Variants in AKR1B15 observed in about 807,000 individuals in gnomAD.
AKR1B15 encodes estradiol 17-beta-dehydrogenase AKR1B15.
A neutral mutation model predicts 38.5 loss-of-function variants in AKR1B15; 49 were observed. The observed-to-expected ratio is 1.27, with a 90% confidence interval of 1.01 to 1.62. AKR1B15 has a LOEUF of 1.62. Among genes scored for constraint, AKR1B15 ranks in the 40% most tolerant of loss-of-function variants. The probability of loss-of-function intolerance (pLI) is 0.00; values close to 1 mark genes in which losing one functional copy is unlikely to be tolerated. For synonymous variants in AKR1B15, 137 were observed against 135.5 expected (o/e 1.01, Z -0.08); for missense variants, 411 against 381.6 (o/e 1.08, Z -0.64).
chr7:134,553,081 T>A (rs890777755), intron 1 of AKR1B15, among the ~76,000 whole-genome samples: 1 of 152,054 alleles, frequency 6.6e-6, no homozygotes, highest in African/African-American at 2.4e-5. Flanking sequence ...ATTTCCTACC[T>A]AGGGTATGAG....
intron 2 of AKR1B15, among the ~76,000 whole-genome samples, chr7:134,561,534 G>A (rs1231116878): frequency 6.6e-6 from 1 of 152,208 alleles, no homozygotes; most frequent in Admixed American, 6.5e-5. Flanking sequence ...TGTTGAAGTA[G>A]ATAATTTAAC....
chr7:134,559,467 C>A (rs1468915218), intron 2 of AKR1B15, among the ~76,000 whole-genome samples: 1 of 152,144 alleles, frequency 6.6e-6, no homozygotes, highest in African/African-American at 2.4e-5. Context: ...CACTGTAACC[C>A]CTTGTTGCTG....
chr7:134,550,615 T>C (rs960744466), intron 1 of AKR1B15, among the ~76,000 whole-genome samples: 1 of 152,342 alleles, frequency 6.6e-6, no homozygotes, highest in Middle Eastern at 3.4e-3. Context: ...ATAATACTTC[T>C]GTTCTTCTGA....
intron 1 of AKR1B15, among the ~76,000 whole-genome samples, chr7:134,555,108 T>A (rs1463698450): frequency 1.3e-5 from 2 of 152,190 alleles, no homozygotes; most frequent in African/African-American, 4.8e-5. Flanking sequence ...GCTCCGCCTA[T>A]CTTGCCTAAG....
chr7:134,550,181 G>C (rs900722202), intron 1 of AKR1B15, among the ~76,000 whole-genome samples: 1 of 151,988 alleles, frequency 6.6e-6, no homozygotes, highest in African/African-American at 2.4e-5. Context: ...CTTAAATAAG[G>C]CACTGTGCAG....
chr7:134,567,514 A>G (rs1388770063), intron 3 of AKR1B15, among the ~76,000 whole-genome samples: 2 of 151,948 alleles, frequency 1.3e-5, no homozygotes, highest in Non-Finnish European at 2.9e-5. Context: ...TCATTACAGC[A>G]TGTCATCACC....
At chr7:134,557,467 TC>T (rs1357721003) in intron 2 of AKR1B15, among the ~76,000 whole-genome samples, 1 of 151,880 alleles carries the variant, frequency 6.6e-6, no homozygotes, top group Non-Finnish European at 1.5e-5. Context: ...CAGCCCCTTG[TC>T]CCCCTCCCTT....
chr7:134,565,758 T>C (rs944135845), intron 3 of AKR1B15, among the ~76,000 whole-genome samples: 1 of 152,136 alleles, frequency 6.6e-6, no homozygotes, highest in Admixed American at 6.5e-5. Context: ...TGATGAGAAC[T>C]CCTCTAGCAA....
At chr7:134,570,124 G>T (rs980709065) in intron 5 of AKR1B15, 1 of 152,464 alleles carries the variant, frequency 6.6e-6, no homozygotes, top group South Asian at 2.1e-4. Flanking sequence ...TAAAATGGCT[G>T]CTCTGGGGAC....
At chr7:134,561,246 A>G (rs925047468) in intron 2 of AKR1B15, among the ~76,000 whole-genome samples, 3 of 152,142 alleles carry the variant, frequency 2.0e-5, no homozygotes, top group Admixed American at 6.6e-5. Context: ...TGGAGTCTCT[A>G]TCTGTCACCC....
At chr7:134,550,139 C>A (rs1261939605) in intron 1 of AKR1B15, among the ~76,000 whole-genome samples, 1 of 152,166 alleles carries the variant, frequency 6.6e-6, no homozygotes, top group East Asian at 1.9e-4. Flanking sequence ...CCTTACTCAC[C>A]TTTTCTGTCA....
At chr7:134,556,348 G>T (rs1032355729) in intron 1 of AKR1B15, among the ~76,000 whole-genome samples, 1 of 152,128 alleles carries the variant, frequency 6.6e-6, no homozygotes. Context: ...TGGTTGTGCC[G>T]AAAGGCCAAA....
intron 3 of AKR1B15, among the ~76,000 whole-genome samples, chr7:134,565,700 T>G (rs925173722): frequency 6.6e-6 from 1 of 152,188 alleles, no homozygotes; most frequent in African/African-American, 2.4e-5. Flanking sequence ...CTTTCTTTTC[T>G]CAAAGCTGAT....
chr7:134,565,641 T>C lies in AKR1B15; in HGVS notation c.150+872T>C, dbSNP rs913580562. On this transcript the variant is annotated intron_variant, in intron 3 of 11. Transcript: ENST00000457545. The stretch of plus-strand genomic sequence containing the variant: ...CAGCCAGAAAAGCCTGGAGGTCGGG[T>C]AGGGGTTTGGAGAGGTGAATTTCAG... 15 of 1,554,650 alleles carry C rather than the reference T, an allele frequency of 9.6e-6. No individual in the cohort carries two copies. The Admixed American group carries it at 1.9e-4, about 20-fold the overall frequency.
intron 1 of AKR1B15, among the ~76,000 whole-genome samples, chr7:134,552,321 C>T (rs1794013586): frequency 6.6e-6 from 1 of 152,122 alleles, no homozygotes; most frequent in African/African-American, 2.4e-5. Context: ...TAGTTTCACC[C>T]TCACAACTGC....
chr7:134,576,423 C>G lies in AKR1B15; in HGVS notation c.818C>G (p.Thr273Arg). 6.2e-7 allele frequency: 1 copy of G among 1,614,134 alleles called. No individual in the cohort carries two copies. Among genetic ancestry groups the G allele is most frequent in the Non-Finnish European group, 8.5e-7 (1 of 1,179,980 alleles). Residue 273 changes from threonine to arginine, a missense_variant, in exon 9 of 12, where the codon ACA becomes AGA. This residue lies in a region of AKR1B15 where 133 missense variants were observed against 120.3 expected (regional missense o/e 1.11). Transcript: ENST00000457545. ...ATTGCTGCAAAGCACAAAAAAACCA[C>G]AGCCCAGGTACCATATTTTTATTTT... ...KEIAAKHKKT[T>R]AQVLIRFHIQ...
At chr7:134,562,979 C>A (rs1794454731) in intron 2 of AKR1B15, among the ~76,000 whole-genome samples, 1 of 150,894 alleles carries the variant, frequency 6.6e-6, no homozygotes, top group Admixed American at 6.7e-5. Context: ...TTTCTCTATT[C>A]CTTACTCTTC....
At chr7:134,567,154 T>C (rs1794555465) in intron 3 of AKR1B15, among the ~76,000 whole-genome samples, 1 of 152,148 alleles carries the variant, frequency 6.6e-6, no homozygotes, top group African/African-American at 2.4e-5. Context: ...GGTAGGGTAG[T>C]TGTGCATCTC....
chr7:134,576,489 A>G (rs1273173041), intron 9 of AKR1B15, 59 bp downstream of exon 9: 1 of 1,583,938 alleles, frequency 6.3e-7, no homozygotes, highest in African/African-American at 1.3e-5. Context: ...CTCATGTTTC[A>G]TTTCTCGTGT....
Sources: gnomAD v4.1 joint callset for allele counts (sites outside exome capture counted in the v4.1 genomes callset) on GRCh38, gnomAD v4.1.1 for gene constraint, gnomAD v4.1.1 regional missense constraint, MANE v1.5 for transcripts, NCBI Gene and HGNC (gene_info 2026-07-23, HGNC 2026-07-21) for gene names.